EPHA6: variants seen among roughly 807,000 people sequenced by gnomAD.
EPHA6 encodes the protein EPH receptor A6, also known as ephrin type-A receptor 6.
Under a neutral mutation model 112.0 loss-of-function variants are expected in EPHA6, and 50 were observed. That is an observed-to-expected ratio of 0.45 (90% CI 0.36 to 0.56). EPHA6 has a LOEUF of 0.56. EPHA6 is among the 20% of genes least tolerant of loss of function. The probability of loss-of-function intolerance (pLI) is 0.00; values close to 1 mark genes in which losing one functional copy is unlikely to be tolerated. For missense variants in EPHA6, 1,280 were observed against 1,417.4 expected, an observed-to-expected ratio of 0.90 and a Z score of 1.56; for synonymous variants, 529 against 490.7, an observed-to-expected ratio of 1.08 and a Z score of -1.03.
intron 5 of EPHA6, among the ~76,000 whole-genome samples, chr3:97,247,385 C>T (rs372621095): frequency 2.0e-5 from 3 of 151,856 alleles, no homozygotes; most frequent in African/African-American, 7.3e-5. Context: ...CAGGTAATTT[C>T]ACAAATATGT....
intron 3 of EPHA6, among the ~76,000 whole-genome samples, chr3:97,015,459 G>A (rs1226640744): frequency 6.6e-6 from 1 of 152,090 alleles, no homozygotes; most frequent in Non-Finnish European, 1.5e-5. Context: ...ATGAGGGTCT[G>A]TCTGGACTGT....
intron 7 of EPHA6, among the ~76,000 whole-genome samples, chr3:97,472,794 G>A (rs2091264370): frequency 6.6e-6 from 1 of 151,786 alleles, no homozygotes; most frequent in African/African-American, 2.4e-5. Flanking sequence ...GTTCAAGCAA[G>A]GCTATGATTG....
At chr3:97,545,755 T>G (rs1429864235) in intron 11 of EPHA6, among the ~76,000 whole-genome samples, 1 of 152,226 alleles carries the variant, frequency 6.6e-6, no homozygotes, top group East Asian at 1.9e-4. Flanking sequence ...GCTCCTGTAT[T>G]GGGTGCATAT....
intron 3 of EPHA6, among the ~76,000 whole-genome samples, chr3:97,023,535 G>T: frequency 6.7e-6 from 1 of 149,228 alleles, no homozygotes; most frequent in Non-Finnish European, 1.5e-5. Flanking sequence ...TTCTTATTTT[G>T]CTACTATATA....
Position 97,637,801 on chromosome 3 carries a change from A to G in EPHA6, c.2575-72A>G, listed in dbSNP as rs1028253440. On this transcript the variant is annotated intron_variant, in intron 13 of 17. Transcript: ENST00000389672. The stretch of plus-strand genomic sequence containing the variant: ...TTGATCCAATAAAATAAATATAAGG[A>G]TCTTATTTAATACACACACGCACAC... The G allele has an allele frequency of 1.3e-5, 14 of 1,086,918 alleles. No individual in the cohort carries two copies. The African/African-American group carries it at 2.2e-4, about 17-fold the overall frequency. The allele number at this position is 1,086,918 out of a possible 1,614,324, so 67.3% of individuals were successfully genotyped here.
intron 3 of EPHA6, among the ~76,000 whole-genome samples, chr3:97,122,542 C>T (rs1363651103): frequency 1.3e-5 from 2 of 151,916 alleles, no homozygotes; most frequent in African/African-American, 2.4e-5. Flanking sequence ...GAAAAAAACA[C>T]TACAAATATC....
chr3:96,947,030 G>GT (rs1233880230), intron 2 of EPHA6, among the ~76,000 whole-genome samples: 6,828 of 142,324 alleles, frequency 0.048, 441 homozygotes, highest in African/African-American at 0.15. Context: ...CTGTTTGTTT[G>GT]TTTTTTTTTT....
intron 3 of EPHA6, among the ~76,000 whole-genome samples, chr3:97,040,141 T>C (rs979964100): frequency 1.3e-5 from 2 of 151,568 alleles, no homozygotes; most frequent in Non-Finnish European, 2.9e-5. Flanking sequence ...TTTTGCTATT[T>C]ATTACAAATA....
Position 97,756,836 on chromosome 3 carries a change from C to T in EPHA6, c.*8135C>T, listed in dbSNP as rs961060059. On this transcript the variant is annotated 3_prime_UTR_variant, in exon 18 of 18. Transcript: ENST00000389672. ...GCTTGATTTTGGATACATTATTATT[C>T]ATTTTGTTAGTCACATTCCACCTTG... Among the ~76,000 whole-genome samples, 1 of 151,748 alleles carries T rather than the reference C, an allele frequency of 6.6e-6. No individual in the cohort carries two copies. The highest frequency in any genetic ancestry group is 1.5e-5 in the Non-Finnish European group (1 of 67,758).
intron 5 of EPHA6, among the ~76,000 whole-genome samples, chr3:97,295,657 T>C (rs1034581228): frequency 1.3e-5 from 2 of 152,154 alleles, no homozygotes; most frequent in African/African-American, 2.4e-5. Flanking sequence ...TGTGCATTGG[T>C]GCAACAGTCA....
At chr3:97,646,015 GA>G (rs889131242) in intron 14 of EPHA6, 8 of 835,454 alleles carry the variant, frequency 9.6e-6, no homozygotes, top group Non-Finnish European at 1.3e-5. Flanking sequence ...TAATCTTCAA[GA>G]AAAAAATATC....
intron 3 of EPHA6, among the ~76,000 whole-genome samples, chr3:97,030,824 A>G (rs1275045849): frequency 6.6e-6 from 1 of 152,060 alleles, no homozygotes; most frequent in East Asian, 1.9e-4. Context: ...ACTATTTGTA[A>G]TGATGAGATA....
chr3:96,985,920 C>A (rs16837484), intron 2 of EPHA6, among the ~76,000 whole-genome samples: 14 of 152,026 alleles, frequency 9.2e-5, no homozygotes, highest in Non-Finnish European at 1.9e-4. Context: ...AAACTGCAAA[C>A]AGAATGTGTT....
In EPHA6 at chr3:96,877,890, G is replaced by A. The variant is rs141648407; in HGVS notation, c.450+11001G>A. On this transcript the variant is annotated intron_variant, in intron 2 of 17. Transcript: ENST00000389672. ...TCAAAAGCATGGAGTTAGGATTTGC[G>A]TGTGTATATAGTATGTGTGTGTGTA... Among the ~76,000 whole-genome samples, 512 of 148,872 alleles carry A rather than the reference G, an allele frequency of 3.4e-3. 4 individuals are homozygous for A. The highest frequency in any genetic ancestry group is 0.012 in the African/African-American group (485 of 39,926).
intron 2 of EPHA6, among the ~76,000 whole-genome samples, chr3:96,946,324 C>T (rs1009818680): frequency 3.3e-5 from 5 of 151,878 alleles, no homozygotes; most frequent in African/African-American, 1.2e-4. Context: ...CCCTCCCCCC[C>T]TTCCCCCACC....
chr3:97,624,204 G>T (rs934882813), intron 13 of EPHA6, among the ~76,000 whole-genome samples: 1 of 151,592 alleles, frequency 6.6e-6, no homozygotes, highest in Non-Finnish European at 1.5e-5. Context: ...TTATGTCAAA[G>T]TAATTTTCTT....
In EPHA6 at chr3:97,244,124, C is replaced by T. The variant is rs1462016771; in HGVS notation, c.1443C>T (p.Arg481=). ...GTGAGGACTGTGGTGGAGGACTCCGCTTCATCCCAAGACATACAGGCCTGA... is the reference window on the plus strand; with the variant it reads ...GTGAGGACTGTGGTGGAGGACTCCGTTTCATCCCAAGACATACAGGCCTGA... ...SQCEDCGGGL[R]FIPRHTGLIN... Residue 481 remains arginine, a synonymous_variant, in exon 5 of 18, where the codon CGC becomes CGT. Transcript: ENST00000389672. 6.2e-7 allele frequency: 1 copy of T among 1,613,070 alleles called. No individual in the cohort carries two copies. The highest frequency in any genetic ancestry group is 8.5e-7 in the Non-Finnish European group (1 of 1,179,328).
chr3:96,922,857 T>A (rs575882679), intron 2 of EPHA6, among the ~76,000 whole-genome samples: 2 of 152,290 alleles, frequency 1.3e-5, no homozygotes, highest in East Asian at 3.9e-4. Flanking sequence ...CAAGTTTCCA[T>A]GTGTTCCCAT....
At chr3:97,558,446 C>T (rs529930719) in intron 11 of EPHA6, among the ~76,000 whole-genome samples, 1 of 152,076 alleles carries the variant, frequency 6.6e-6, no homozygotes, top group African/African-American at 2.4e-5. Flanking sequence ...AGTAAATCTT[C>T]TGAGACATTA....
Sources: gnomAD v4.1 joint callset for allele counts (sites outside exome capture counted in the v4.1 genomes callset) on GRCh38, gnomAD v4.1.1 for gene constraint, MANE v1.5 for transcripts, NCBI Gene and HGNC (gene_info 2026-07-23, HGNC 2026-07-21) for gene names.